Variants in FRYL observed in about 807,000 individuals in gnomAD.
FRYL encodes the protein protein furry homolog-like.
A neutral mutation model predicts 351.2 loss-of-function variants in FRYL; 150 were observed. The ratio of observed to expected loss-of-function variants is 0.43; its 90% CI spans 0.37 to 0.49. FRYL has a LOEUF of 0.49. Among genes scored for constraint, FRYL ranks in the 20% least tolerant of loss-of-function variants. FRYL has a pLI of 0.00. For missense variants in FRYL, 3,036 were observed against 3,619.3 expected (o/e 0.84, Z 4.13); for synonymous variants, 1,153 against 1,257.1 (o/e 0.92, Z 1.75).
At chr4:48,560,666 C>G (rs4235155) in intron 33 of FRYL, among the ~76,000 whole-genome samples, 149,829 of 152,280 alleles carry the variant, frequency 0.98, 73,745 homozygotes, top group East Asian at 1. Context: ...AGGGCTGTCA[C>G]GGATGCGGGG....
chr4:48,708,635 C>T (rs1012670085), intron 2 of FRYL, among the ~76,000 whole-genome samples: 3 of 152,348 alleles, frequency 2.0e-5, no homozygotes, highest in African/African-American at 7.2e-5. Context: ...TCCATTCACC[C>T]TGGCTGGAAT....
intron 3 of FRYL, among the ~76,000 whole-genome samples, chr4:48,660,516 A>AG (rs1173196536): frequency 1.3e-5 from 2 of 152,188 alleles, no homozygotes; most frequent in Non-Finnish European, 2.9e-5. Flanking sequence ...ATGCCAGGTA[A>AG]GGGGGTGCCC....
At chr4:48,606,245 C>T (rs1303782014) in intron 10 of FRYL, among the ~76,000 whole-genome samples, 193 bp downstream of exon 10, 1 of 151,596 alleles carries the variant, frequency 6.6e-6, no homozygotes, top group African/African-American at 2.4e-5. Flanking sequence ...TGCACTCCAG[C>T]CTGGGTGACA....
chr4:48,690,420 T>C (rs965182093), intron 2 of FRYL, among the ~76,000 whole-genome samples: 4 of 152,104 alleles, frequency 2.6e-5, no homozygotes, highest in Non-Finnish European at 5.9e-5. Flanking sequence ...ATGGAGACTT[T>C]CTTTACTGAT....
At chr4:48,553,482 G>T (rs1733350502) in intron 35 of FRYL, 99 bp from the exon 36 acceptor site, 1 of 751,948 alleles carries the variant, frequency 1.3e-6, no homozygotes. Flanking sequence ...AACTTTAAGT[G>T]GTAGATGAAT....
At chr4:48,734,090 T>C (rs2149631988) in intron 1 of FRYL, among the ~76,000 whole-genome samples, 1 of 152,136 alleles carries the variant, frequency 6.6e-6, no homozygotes, top group Non-Finnish European at 1.5e-5. Flanking sequence ...ATCAATGGTC[T>C]AAATGCACTA....
chr4:48,583,692 C>T (rs1400603221), intron 19 of FRYL, among the ~76,000 whole-genome samples: 1 of 151,776 alleles, frequency 6.6e-6, no homozygotes, highest in East Asian at 1.9e-4. Flanking sequence ...CACTTGAGGT[C>T]GGGAGTTCGA....
rs760781829 is a variant in FRYL at position 48,540,955 on chromosome 4, G to A, written c.5693C>T (p.Ser1898Leu). The A allele has an allele frequency of 6.4e-7, 1 of 1,552,246 alleles. No individual in the cohort carries two copies. Among genetic ancestry groups the A allele is most frequent in the Non-Finnish European group, 8.7e-7 (1 of 1,148,522 alleles). The change falls in exon 46 of 64, where the codon TCA (serine) becomes TTA (leucine). Residue 1898 changes from serine (S) to leucine (L), a missense_variant. By Grantham distance (145) the Ser-to-Leu change is moderately radical (BLOSUM62 -2). Transcript: ENST00000358350. Reference sequence around the variant, plus strand: ...GTTTCCCATTATAGGATCATGATATGAGGTTCTTAAAAAAAAGAAAGAATA... The same window carrying A: ...GTTTCCCATTATAGGATCATGATATAAGGTTCTTAAAAAAAAGAAAGAATA... ...YDLLSALSQT[S>L]YHDPIMGNKY...
rs550980886 is a variant in FRYL, at chr4:48,518,148, T to C, written c.7690-2873A>G. ...TGCTTTCAAAATATCCCTTTCATTC[T>C]CATCCACTGGTGTTACGGTGTATGG... On this transcript the variant is annotated intron_variant, in intron 55 of 63. Transcript: ENST00000358350. 7.9e-5 allele frequency among the ~76,000 whole-genome samples: 12 copies of C among 152,326 alleles called. No homozygotes were observed. The East Asian group carries it at 2.1e-3, about 27-fold the overall frequency.
chr4:48,548,669 T>A, intron 40 of FRYL, 21 bp downstream of exon 40: 1 of 1,278,572 alleles, frequency 7.8e-7, no homozygotes. Context: ...CATGAAAGAA[T>A]TAGAACCAAA....
At chr4:48,501,795 G>A in intron 61 of FRYL, 62 bp from the exon 62 acceptor site, 1 of 975,004 alleles carries the variant, frequency 1.0e-6, no homozygotes, top group Non-Finnish European at 1.6e-6. Flanking sequence ...TATTTCCAAT[G>A]GAAATTTATA....
At chr4:48,606,811 G>A (rs1746939877) in intron 9 of FRYL, among the ~76,000 whole-genome samples, 1 of 152,084 alleles carries the variant, frequency 6.6e-6, no homozygotes, top group Non-Finnish European at 1.5e-5. Flanking sequence ...TAAATTAAAA[G>A]TTTCTGAAGG....
intron 3 of FRYL, among the ~76,000 whole-genome samples, chr4:48,640,898 G>A (rs1367145616): frequency 3.3e-5 from 5 of 152,112 alleles, no homozygotes; most frequent in South Asian, 4.1e-4. Context: ...ATAAAAAACA[G>A]CTCAAGCTGG....
At chr4:48,648,575 G>A (rs1240785253) in intron 3 of FRYL, among the ~76,000 whole-genome samples, 1 of 152,142 alleles carries the variant, frequency 6.6e-6, no homozygotes, top group Non-Finnish European at 1.5e-5. Flanking sequence ...GATTTTCTGG[G>A]GGGTGAGGGA....
intron 62 of FRYL, among the ~76,000 whole-genome samples, chr4:48,501,085 CAAAAAAA>C (rs35171463): frequency 1.3e-5 from 1 of 75,330 alleles, no homozygotes; most frequent in Non-Finnish European, 2.5e-5. Flanking sequence ...GACTCTGCCT[CAAAAAAA>C]AAAAAAAAAA....
chr4:48,613,454 A>C (rs1748660654), intron 7 of FRYL, among the ~76,000 whole-genome samples: 1 of 152,170 alleles, frequency 6.6e-6, no homozygotes, highest in South Asian at 2.1e-4. Flanking sequence ...GAAGTTTAAC[A>C]ATGACAGCTA....
chr4:48,674,654 G>A (rs1438416805), intron 3 of FRYL, among the ~76,000 whole-genome samples: 12 of 140,722 alleles, frequency 8.5e-5, no homozygotes, highest in East Asian at 2.2e-4. Context: ...GGAGAATGAC[G>A]TGAACCTGGG....
chr4:48,508,101 C>CT (rs906103382), intron 59 of FRYL, among the ~76,000 whole-genome samples: 12 of 152,248 alleles, frequency 7.9e-5, no homozygotes, highest in African/African-American at 2.9e-4. Flanking sequence ...ACAGTGCAAA[C>CT]ATAGCCATGG....
At chr4:48,622,838 G>A (rs1225256825) in intron 5 of FRYL, among the ~76,000 whole-genome samples, 1 of 151,992 alleles carries the variant, frequency 6.6e-6, no homozygotes, top group East Asian at 1.9e-4. Flanking sequence ...TGTAAAAAGT[G>A]TGGCAATTGA....
Sources: allele counts gnomAD v4.1 joint callset (sites outside exome capture counted in the v4.1 genomes callset), GRCh38; gene constraint gnomAD v4.1.1; transcripts MANE v1.5; gene names NCBI Gene and HGNC (gene_info 2026-07-23, HGNC 2026-07-21).